ASPA: variants seen among roughly 807,000 people sequenced by gnomAD.
ASPA encodes the protein ACY-2.
A neutral mutation model predicts 29.6 loss-of-function variants in ASPA; 25 were observed. The ratio of observed to expected loss-of-function variants is 0.85; its 90% CI spans 0.62 to 1.18. The LOEUF (loss-of-function observed/expected upper bound fraction) is 1.18, where lower values mean the gene tolerates loss of function less well. ASPA is among the 50% of genes most tolerant of loss of function. The pLI is 0.00. For synonymous variants in ASPA, 131 were observed against 130.3 expected, an observed-to-expected ratio of 1.01 and a Z score of -0.04; for missense variants, 333 against 385.7, an observed-to-expected ratio of 0.86 and a Z score of 1.14.
intron 3 of ASPA, 105 bp from the exon 4 acceptor site, chr17:3,489,130 A>G (rs2150753416): frequency 1.3e-6 from 1 of 771,548 alleles, no homozygotes; most frequent in Non-Finnish European, 2.2e-6. Flanking sequence ...TACCTTTTTA[A>G]TAATTTTAAC....
chr17:3,496,403 G>GTTCCAATT (rs1173455809), intron 5 of ASPA, among the ~76,000 whole-genome samples: 1 of 152,190 alleles, frequency 6.6e-6, no homozygotes, highest in East Asian at 1.9e-4. Flanking sequence ...CAATTAGACG[G>GTTCCAATT]AGTGGTCACA....
Position 3,476,343 on chromosome 17 carries a change from A to G in ASPA, c.184A>G (p.Thr62Ala). Residue 62 changes from threonine (T) to alanine (A), a missense_variant, in exon 1 of 6, where the codon ACC becomes GCC. Physicochemically the swap from Thr to Ala is moderately conservative, Grantham distance 58. Transcript: ENST00000263080. ...TAACCCCAGAGCAGTGAAGAAGTGTACCAGATATATTGACTGTGACCTGAA... is the reference window on the plus strand; with the variant it reads ...TAACCCCAGAGCAGTGAAGAAGTGTGCCAGATATATTGACTGTGACCTGAA... ...ITNPRAVKKC[T>A]RYIDCDLNRI... 6.2e-7 allele frequency: 1 copy of G among 1,614,180 alleles called. No homozygotes were observed.
At chr17:3,498,847 GA>G in intron 5 of ASPA, 43 bp from the exon 6 acceptor site, 1 of 1,440,350 alleles carries the variant, frequency 6.9e-7, no homozygotes, top group East Asian at 2.5e-5. Flanking sequence ...TTTTAGAGGA[GA>G]AAAACCAAAT....
intron 4 of ASPA, among the ~76,000 whole-genome samples, chr17:3,493,580 A>G (rs2073861062): frequency 2.0e-5 from 3 of 151,196 alleles, no homozygotes; most frequent in African/African-American, 7.3e-5. Context: ...AAAAAAAAAA[A>G]AAAGGAAAGA....
chr17:3,475,505 C>A (rs538267146), upstream of ASPA: 4 of 152,454 alleles, frequency 2.6e-5, no homozygotes, highest in East Asian at 5.8e-4. Flanking sequence ...TTCAGGGTAG[C>A]TTTTCGAGTC....
intron 5 of ASPA, among the ~76,000 whole-genome samples, chr17:3,494,843 T>C (rs761192726): frequency 1.3e-5 from 2 of 152,212 alleles, no homozygotes; most frequent in Non-Finnish European, 2.9e-5. Context: ...GGAATTATGA[T>C]GTCTATTTTA....
At chr17:3,477,830 C>T (rs564166140) in intron 1 of ASPA, among the ~76,000 whole-genome samples, 1 of 152,108 alleles carries the variant, frequency 6.6e-6, no homozygotes, top group South Asian at 2.1e-4. Context: ...TGGGGGAGTA[C>T]ACAGCTCTAT....
chr17:3,482,074 G>A (rs1015075157), intron 2 of ASPA, among the ~76,000 whole-genome samples: 1 of 152,116 alleles, frequency 6.6e-6, no homozygotes, highest in Non-Finnish European at 1.5e-5. Flanking sequence ...AAAATTACAC[G>A]TTTTATCCAG....
chr17:3,492,780 A>C (rs905074094), intron 4 of ASPA, among the ~76,000 whole-genome samples: 10 of 152,296 alleles, frequency 6.6e-5, no homozygotes, highest in Non-Finnish European at 1.2e-4. Flanking sequence ...CATAACAGTA[A>C]GGCCATCCCA....
chr17:3,484,861 C>T (rs2073692634), intron 3 of ASPA, among the ~76,000 whole-genome samples: 1 of 152,162 alleles, frequency 6.6e-6, no homozygotes, highest in East Asian at 1.9e-4. Flanking sequence ...TAACTGATGA[C>T]ATGCCATACT....
At chr17:3,494,914 C>T (rs1012148034) in intron 5 of ASPA, among the ~76,000 whole-genome samples, 2 of 152,114 alleles carry the variant, frequency 1.3e-5, no homozygotes, top group Admixed American at 6.5e-5. Context: ...CTATCAATGA[C>T]AGATCCAGAG....
rs141733054 is a variant in ASPA at position 3,481,921 on chromosome 17, T to C, written c.432+123T>C. The C allele has an allele frequency of 9.4e-4, 871 of 929,146 alleles. 6 individuals carry two copies. The African/African-American group carries it at 0.013, about 13-fold the overall frequency. The allele number at this position is 929,146 out of a possible 1,614,324, so 57.6% of individuals were successfully genotyped here. On this transcript the variant is annotated intron_variant, in intron 2 of 5. Coordinates refer to ENST00000263080, the MANE Select transcript of ASPA (RefSeq NM_000049.4). ...TGCAAGAGAAATGGGGTTTATTCCA[T>C]AGCCAGGCTTGGTGGTTGGGGGGAA...
intron 5 of ASPA, 76 bp from the exon 6 acceptor site, chr17:3,498,815 T>G: frequency 7.7e-7 from 1 of 1,301,010 alleles, no homozygotes; most frequent in Non-Finnish European, 1.0e-6. Context: ...AATTTGTTAG[T>G]TGTCTAGAGT....
At position 3,488,419 on chromosome 17, in the gene ASPA, A is replaced by G. The variant is rs913125554; in HGVS notation, c.527-816A>G. Among the ~76,000 whole-genome samples, 6 of 152,150 alleles carry G rather than the reference A, an allele frequency of 3.9e-5. No individual in the cohort carries two copies. The highest frequency in any genetic ancestry group is 1.4e-4 in the African/African-American group (6 of 41,440). On this transcript the variant is annotated intron_variant, in intron 3 of 5. Transcript: ENST00000263080. The surrounding 1 kb of genome is among the most constrained non-coding windows in gnomAD (Gnocchi z 6.1). ...CGCCTGTAATCCCAGCATTTGGGGA[A>G]GCCGAGAAGGGCAGATTACCTGCGG...
Position 3,489,340 on chromosome 17 carries a change from A to C in ASPA, c.632A>C (p.Glu211Ala), listed in dbSNP as rs1171994170. 6.3e-7 allele frequency: 1 copy of C among 1,591,624 alleles called. No homozygotes were observed. Among genetic ancestry groups the C allele is most frequent in the Non-Finnish European group, 8.6e-7 (1 of 1,159,820 alleles). Residue 211 changes from glutamate to alanine, a missense_variant and splice_region_variant, in exon 4 of 6, where the codon GAA becomes GCA. Transcript: ENST00000263080. The part of the protein sequence containing the change: ...HALDFIHHFN[E>A]GKEFPPCAIE... ...CTTGATTTTATACATCATTTCAATG[A>C]AGGTAAGTAATAATGAAGGTAACGT... is the stretch of plus-strand genomic sequence containing the variant.
rs1310196667 is a variant in ASPA at position 3,502,885 on chromosome 17, G to T, written c.*3797G>T. On this transcript the variant is annotated 3_prime_UTR_variant, in exon 6 of 6. Coordinates refer to ENST00000263080, the MANE Select transcript of ASPA (RefSeq NM_000049.4). ...GGTCTTTGGGCTCCAGCTGTTGCCAGCAGAGGTGGTGAAAGTCAACAACAG... is the reference window on the plus strand; with the variant it reads ...GGTCTTTGGGCTCCAGCTGTTGCCATCAGAGGTGGTGAAAGTCAACAACAG... The T allele has an allele frequency of 6.6e-6, 1 of 152,296 alleles. No individual in the cohort carries two copies. Among genetic ancestry groups the T allele is most frequent in the Non-Finnish European group, 1.5e-5 (1 of 68,070 alleles). The allele number at this position is 152,296 out of a possible 1,614,324, so 9.4% of individuals were successfully genotyped here.
chr17:3,481,130 T>G (rs2073620172), intron 1 of ASPA, among the ~76,000 whole-genome samples: 1 of 152,062 alleles, frequency 6.6e-6, no homozygotes, highest in African/African-American at 2.4e-5. Flanking sequence ...CTCAAAAAAT[T>G]AAAAATTAAA....
At chr17:3,480,634 T>G (rs978280440) in intron 1 of ASPA, among the ~76,000 whole-genome samples, 1 of 152,224 alleles carries the variant, frequency 6.6e-6, no homozygotes, top group Non-Finnish European at 1.5e-5. Flanking sequence ...CTTGCGGCCC[T>G]CCAGCTGCAT....
rs191451756 is a variant in ASPA at position 3,495,247 on chromosome 17, G to A, written c.744+788G>A. ...ACCTCAGAGATGGAAGAGAACTGGTGGATTATCTAGTCCAGGGCTTTCAAC... is the reference window on the plus strand; with the variant it reads ...ACCTCAGAGATGGAAGAGAACTGGTAGATTATCTAGTCCAGGGCTTTCAAC... On this transcript the variant is annotated intron_variant, in intron 5 of 5. Coordinates refer to ENST00000263080, the MANE Select transcript of ASPA (RefSeq NM_000049.4). Among the ~76,000 whole-genome samples, 39 of 152,296 alleles carry A rather than the reference G, an allele frequency of 2.6e-4. No homozygotes were observed. In the East Asian group the frequency reaches 5.4e-3, roughly 21 times the overall value.
Sources: allele counts gnomAD v4.1 joint callset (sites outside exome capture counted in the v4.1 genomes callset), GRCh38; gene constraint gnomAD v4.1.1; non-coding constraint Gnocchi (gnomAD v3.1); transcripts MANE v1.5; gene names NCBI Gene and HGNC (gene_info 2026-07-23, HGNC 2026-07-21).